Variants in APOBEC3D observed in about 807,000 individuals in gnomAD.
APOBEC3D encodes the protein DNA dC->dU-editing enzyme APOBEC-3D.
APOBEC3D carries 37 observed loss-of-function variants against 45.6 expected under a neutral mutation model. The observed-to-expected ratio is 0.81, with a 90% CI of 0.62 to 1.07. The LOEUF (loss-of-function observed/expected upper bound fraction) is 1.07. Among genes scored for constraint, APOBEC3D ranks in the 50% least tolerant of loss-of-function variants. APOBEC3D has a pLI of 0.00. For missense variants in APOBEC3D, 496 were observed against 495.3 expected, an observed-to-expected ratio of 1.00 and a Z score of -0.01; for synonymous variants, 175 against 180.7, an observed-to-expected ratio of 0.97 and a Z score of 0.25.
Position 39,025,106 on chromosome 22 carries a change from T to A in APOBEC3D, c.247T>A (p.Phe83Ile). Residue 83 changes from phenylalanine (F) to isoleucine (I), a missense_variant, in exon 3 of 7, where the codon TTC (phenylalanine) becomes ATC (isoleucine). Transcript: ENST00000216099. ...GTTTGAGAACCACGCAGAAATGTGC[T>A]TCTTATCTTGGTTCTGTGGCAACCG... ...FRFENHAEMC[F>I]LSWFCGNRLP... The A allele has an allele frequency of 6.3e-7, 1 of 1,595,128 alleles. No individual in the cohort carries two copies. The highest frequency in any genetic ancestry group is 8.6e-7 in the Non-Finnish European group (1 of 1,165,942).
In APOBEC3D at chr22:39,031,391, G is replaced by A. The variant is rs868686826; in HGVS notation, c.763-303G>A. Among the ~76,000 whole-genome samples the A allele has an allele frequency of 9.2e-5, 14 of 152,206 alleles. No individual in the cohort carries two copies. In the Middle Eastern group the frequency reaches 0.017, roughly 185 times the overall value. On this transcript the variant is annotated intron_variant, in intron 5 of 6. Transcript: ENST00000216099. ...GAGATCAGCCTGGGCAATGTGGCAC[G>A]ACTCCGTCTCCACAAAAATTACAAA...
chr22:39,027,001 T>C (rs1720076202), intron 4 of APOBEC3D, among the ~76,000 whole-genome samples: 1 of 152,146 alleles, frequency 6.6e-6, no homozygotes, highest in East Asian at 1.9e-4. Flanking sequence ...GCTTGGATCA[T>C]GGGAGGCTTG....
Position 39,025,603 on chromosome 22 carries a change from A to C in APOBEC3D, c.537A>C (p.Pro179=), listed in dbSNP as rs1218758647. ...WENFVCNEGQ[P]FMPWYKFDDN... ...ACTTTGTGTGCAATGAAGGTCAGCCATTCATGCCTTGGTACAAATTCGATG... is the reference window on the plus strand; with the variant it reads ...ACTTTGTGTGCAATGAAGGTCAGCCCTTCATGCCTTGGTACAAATTCGATG... Residue 179 remains proline, a synonymous_variant, in exon 4 of 7, where the codon CCA becomes CCC. Coordinates refer to ENST00000216099, the MANE Select transcript of APOBEC3D (RefSeq NM_152426.4). 2.5e-6 allele frequency: 4 copies of C among 1,614,014 alleles called. No individual in the cohort carries two copies. The highest frequency in any genetic ancestry group is 3.4e-6 in the Non-Finnish European group (4 of 1,180,008).
rs768017264 is a variant in APOBEC3D, at chr22:39,022,999, G to A, written c.195G>A (p.Ser65=). 6.4e-5 allele frequency: 102 copies of A among 1,599,094 alleles called. No homozygotes were observed. Among genetic ancestry groups the A allele is most frequent in the Non-Finnish European group, 8.1e-5 (95 of 1,172,460 alleles). ...FRGPVLPKRQ[S]NHRQEVYFRF... The stretch of plus-strand genomic sequence containing the variant: ...GCCCGGTACTACCCAAACGTCAGTC[G>A]AATCACAGGCAGGAGGTAAGCAGCT... The change falls in exon 2 of 7, where the codon TCG becomes TCA. Residue 65 remains serine, a synonymous_variant. Transcript: ENST00000216099.
In APOBEC3D at chr22:39,022,991, C is replaced by T. The variant is rs763176347; in HGVS notation, c.187C>T (p.Arg63Cys). The change falls in exon 2 of 7, where the codon CGT becomes TGT. Residue 63 changes from arginine (R) to cysteine (C), a missense_variant. Arg to Cys is a radical substitution (Grantham distance 180). Transcript: ENST00000216099. ...CTTTCGAGGCCCGGTACTACCCAAACGTCAGTCGAATCACAGGCAGGAGGT... is the reference window on the plus strand; with the variant it reads ...CTTTCGAGGCCCGGTACTACCCAAATGTCAGTCGAATCACAGGCAGGAGGT... ...GVFRGPVLPK[R>C]QSNHRQEVYF... 2.7e-5 allele frequency: 43 copies of T among 1,603,034 alleles called. No homozygotes were observed. Among genetic ancestry groups the T allele is most frequent in the East Asian group, 4.5e-5 (2 of 44,098 alleles).
At position 39,032,393 on chromosome 22, in the gene APOBEC3D, C is replaced by T; in HGVS notation, c.*77C>T. The T allele has an allele frequency of 1.3e-6, 2 of 1,572,362 alleles. No individual in the cohort carries two copies. The highest frequency in any genetic ancestry group is 1.7e-6 in the Non-Finnish European group (2 of 1,161,332). On this transcript the variant is annotated 3_prime_UTR_variant, in exon 7 of 7. Transcript: ENST00000216099. The stretch of plus-strand genomic sequence containing the variant: ...GCACGGGCCTCCCCTCCATCCTGCA[C>T]CAGCTGTGCTTTTGCCTGGTCATCC...
In APOBEC3D at chr22:39,021,366, A is replaced by G. The variant is rs1295875395; in HGVS notation, c.-154A>G. The stretch of plus-strand genomic sequence containing the variant: ...CGTGATCCGCCCGCCTCGGCCTCCC[A>G]AAGTGCTGGGATTACAGGCGTGAGC... On this transcript the variant is annotated 5_prime_UTR_variant, in exon 1 of 7. Transcript: ENST00000216099. The G allele has an allele frequency of 9.9e-7, 1 of 1,012,106 alleles. No individual in the cohort carries two copies. The highest frequency in any genetic ancestry group is 1.6e-5 in the African/African-American group (1 of 61,992). The allele number at this position is 1,012,106 out of a possible 1,614,324, so 62.7% of individuals were successfully genotyped here.
intron 2 of APOBEC3D, among the ~76,000 whole-genome samples, chr22:39,024,745 G>GC (rs1257651215): frequency 2.0e-5 from 3 of 151,922 alleles, no homozygotes; most frequent in Non-Finnish European, 2.9e-5. Flanking sequence ...CTGACATACT[G>GC]CCCCCCCAGC....
At chr22:39,031,391 G>C (rs868686826) in intron 5 of APOBEC3D, among the ~76,000 whole-genome samples, 1 of 152,088 alleles carries the variant, frequency 6.6e-6, no homozygotes, top group African/African-American at 2.4e-5. Context: ...AATGTGGCAC[G>C]ACTCCGTCTC....
At chr22:39,027,740 C>G (rs978375432) in intron 4 of APOBEC3D, among the ~76,000 whole-genome samples, 6 of 152,208 alleles carry the variant, frequency 3.9e-5, no homozygotes, top group African/African-American at 9.6e-5. Context: ...CTGCCCCAGC[C>G]CTGGGCTCCC....
rs1309600275 is a variant in APOBEC3D at position 39,023,031 on chromosome 22, G to A, written c.210+17G>A. On this transcript the variant is annotated intron_variant, in intron 2 of 6. Coordinates refer to ENST00000216099, the MANE Select transcript of APOBEC3D (RefSeq NM_152426.4). ...AGGCAGGAGGTAAGCAGCTGGGAATGCAGAAAACACATAAGTAAAATGTCT... is the reference window on the plus strand; with the variant it reads ...AGGCAGGAGGTAAGCAGCTGGGAATACAGAAAACACATAAGTAAAATGTCT... 1.3e-6 allele frequency: 2 copies of A among 1,552,320 alleles called. No individual in the cohort carries two copies. The highest frequency in any genetic ancestry group is 1.7e-6 in the Non-Finnish European group (2 of 1,148,010).
Position 39,032,289 on chromosome 22 carries a change from A to G in APOBEC3D, c.1134A>G (p.Lys378=), listed in dbSNP as rs751529299. 54 of 1,614,206 alleles carry G rather than the reference A, an allele frequency of 3.3e-5. No individual in the cohort carries two copies. In the South Asian group the frequency reaches 5.3e-4, roughly 16 times the overall value. The part of the protein sequence containing the change: ...KGLQTNFRLL[K]RRLREILQ Reference sequence around the variant, plus strand: ...TACAAACCAACTTTCGACTTCTGAAAAGAAGGCTACGGGAGATTCTCCAGT... The same window carrying G: ...TACAAACCAACTTTCGACTTCTGAAGAGAAGGCTACGGGAGATTCTCCAGT... The change falls in exon 7 of 7, where the codon AAA becomes AAG. Residue 378 remains lysine (K), a synonymous_variant. Coordinates refer to ENST00000216099, the MANE Select transcript of APOBEC3D (RefSeq NM_152426.4).
chr22:39,032,643 G>C lies in APOBEC3D; in HGVS notation c.*327G>C, dbSNP rs1470666018. ...GAGTTTCACTCTGTCGCCCAGACTA[G>C]AGTGCAATGGCTGGATCTCAGCTCA... On this transcript the variant is annotated 3_prime_UTR_variant, in exon 7 of 7. Coordinates refer to ENST00000216099, the MANE Select transcript of APOBEC3D (RefSeq NM_152426.4). The C allele has an allele frequency of 1.2e-5, 12 of 1,009,306 alleles. No individual in the cohort carries two copies. The East Asian group carries it at 2.3e-4, about 20-fold the overall frequency. 62.5% of individuals were successfully genotyped at this position (1,009,306 alleles called of 1,614,324 possible).
chr22:39,031,440 C>T (rs950310162), intron 5 of APOBEC3D, among the ~76,000 whole-genome samples: 13 of 152,148 alleles, frequency 8.5e-5, no homozygotes, highest in African/African-American at 2.7e-4. Context: ...CGTGGCAGCA[C>T]ACACCTGCAG....
chr22:39,028,925 C>T (rs866972608), intron 4 of APOBEC3D, among the ~76,000 whole-genome samples: 46 of 152,046 alleles, frequency 3.0e-4, no homozygotes, highest in African/African-American at 1.1e-3. Context: ...CAGAGTGAGA[C>T]CGTGTGCAAA....
At position 39,031,259 on chromosome 22, in the gene APOBEC3D, A is replaced by G. The variant is rs897879230; in HGVS notation, c.763-435A>G. On this transcript the variant is annotated intron_variant, in intron 5 of 6. Coordinates refer to ENST00000216099, the MANE Select transcript of APOBEC3D (RefSeq NM_152426.4). ...GCCCTGGGGCCTACTATGCACCCAG[A>G]AAAATGAAAAGTAAAGAAATAAAAT... Among the ~76,000 whole-genome samples the G allele has an allele frequency of 3.3e-5, 5 of 151,766 alleles. 1 individual carries two copies. The highest frequency in any genetic ancestry group is 1.2e-4 in the African/African-American group (5 of 41,098).
Position 39,032,210 on chromosome 22 carries a change from G to T in APOBEC3D, c.1055G>T (p.Cys352Phe). Residue 352 changes from cysteine (C) to phenylalanine (F), a missense_variant, in exon 7 of 7, where the codon TGT (cysteine) becomes TTT (phenylalanine). Coordinates refer to ENST00000216099, the MANE Select transcript of APOBEC3D (RefSeq NM_152426.4). ...GTTTTTTTCTCAGATTTTGTATCTT[G>T]TTGGAAAAACTTTGTGTACAGTGAT... is the stretch of plus-strand genomic sequence containing the variant. ...KIMGYKDFVS[C>F]WKNFVYSDDE... 6.2e-7 allele frequency: 1 copy of T among 1,613,962 alleles called. No individual in the cohort carries two copies. The highest frequency in any genetic ancestry group is 8.5e-7 in the Non-Finnish European group (1 of 1,179,934).
At chr22:39,028,443 A>G (rs2146324344) in intron 4 of APOBEC3D, among the ~76,000 whole-genome samples, 1 of 152,284 alleles carries the variant, frequency 6.6e-6, no homozygotes, top group Admixed American at 6.5e-5. Flanking sequence ...TCCTCTGTAA[A>G]ATAGGGATGG....
chr22:39,031,840 C>A lies in APOBEC3D; in HGVS notation c.909C>A (p.Phe303Leu). The A allele has an allele frequency of 6.2e-7, 1 of 1,614,144 alleles. No homozygotes were observed. Among genetic ancestry groups the A allele is most frequent in the Non-Finnish European group, 8.5e-7 (1 of 1,180,028 alleles). Residue 303 changes from phenylalanine to leucine, a missense_variant, in exon 6 of 7, where the codon TTC becomes TTA. By Grantham distance (22) the Phe-to-Leu change is conservative. Coordinates refer to ENST00000216099, the MANE Select transcript of APOBEC3D (RefSeq NM_152426.4). ...CPECAGEVAE[F>L]LARHSNVNLT... The stretch of plus-strand genomic sequence containing the variant: ...AGTGTGCAGGGGAGGTGGCCGAGTT[C>A]CTGGCCAGGCACAGCAACGTGAATC...
Sources: allele counts gnomAD v4.1 joint callset (sites outside exome capture counted in the v4.1 genomes callset), GRCh38; gene constraint gnomAD v4.1.1; transcripts MANE v1.5; gene names NCBI Gene and HGNC (gene_info 2026-07-23, HGNC 2026-07-21).